The following GPC6 variants were observed in gnomAD, a reference collection of about 807,000 sequenced individuals.
The protein encoded by GPC6 is glypican-6.
Under a neutral mutation model 55.2 loss-of-function variants are expected in GPC6, and 14 were observed. That is an observed-to-expected ratio of 0.25 (90% CI 0.17 to 0.40). The LOEUF (loss-of-function observed/expected upper bound fraction) is 0.40, where lower values mean the gene tolerates loss of function less well. GPC6 is among the 10% of genes least tolerant of loss of function. The probability of loss-of-function intolerance (pLI) is 1.00; values close to 1 mark genes in which losing one functional copy is unlikely to be tolerated. For missense variants in GPC6, 641 were observed against 708.5 expected (o/e 0.90, Z 1.08); for synonymous variants, 278 against 259.6 (o/e 1.07, Z -0.68).
chr13:93,909,779 C>G (rs914146561), intron 3 of GPC6, among the ~76,000 whole-genome samples: 1 of 152,088 alleles, frequency 6.6e-6, no homozygotes, highest in Non-Finnish European at 1.5e-5. Flanking sequence ...TATAAAGTTA[C>G]TTTTCGCACT....
chr13:94,194,276 G>T (rs530009974), intron 4 of GPC6, among the ~76,000 whole-genome samples: 3 of 152,264 alleles, frequency 2.0e-5, no homozygotes, highest in African/African-American at 7.2e-5. Flanking sequence ...TTGGGGATAG[G>T]TATGTGCCAT....
chr13:93,618,018 A>G (rs1334088143), intron 2 of GPC6, among the ~76,000 whole-genome samples: 3 of 152,076 alleles, frequency 2.0e-5, no homozygotes, highest in African/African-American at 7.2e-5. Flanking sequence ...TTCTCTAGGG[A>G]AAAAATAATG....
intron 3 of GPC6, among the ~76,000 whole-genome samples, chr13:93,908,183 C>CT (rs1876774245): frequency 6.6e-6 from 1 of 152,086 alleles, no homozygotes; most frequent in Non-Finnish European, 1.5e-5. Context: ...AGATTTCTGC[C>CT]TAAAGGTAAA....
intron 4 of GPC6, among the ~76,000 whole-genome samples, chr13:94,266,150 T>C (rs1022060673): frequency 3.0e-5 from 3 of 99,834 alleles, no homozygotes; most frequent in Non-Finnish European, 6.4e-5. Context: ...ACTTTTCTTT[T>C]CTTTTTTTTT....
At chr13:93,834,986 G>A (rs758380033) in intron 3 of GPC6, among the ~76,000 whole-genome samples, 22 of 152,168 alleles carry the variant, frequency 1.4e-4, no homozygotes, top group East Asian at 9.6e-4. Context: ...GATACCAGCC[G>A]TCACTCTGAA....
chr13:93,268,570 A>G (rs781351816), intron 1 of GPC6, among the ~76,000 whole-genome samples: 1 of 151,916 alleles, frequency 6.6e-6, no homozygotes, highest in Non-Finnish European at 1.5e-5. Context: ...CGTAAAGACC[A>G]ATTCTCGGTG....
At chr13:94,152,733 A>G (rs1887786835) in intron 4 of GPC6, among the ~76,000 whole-genome samples, 1 of 152,104 alleles carries the variant, frequency 6.6e-6, no homozygotes, top group Non-Finnish European at 1.5e-5. Flanking sequence ...TCATTAAGGT[A>G]TCAATCTGAT....
chr13:93,363,310 G>A (rs1881118108), intron 1 of GPC6, among the ~76,000 whole-genome samples: 1 of 134,058 alleles, frequency 7.5e-6, no homozygotes, highest in East Asian at 2.4e-4. Context: ...ACAGTCCCCA[G>A]AGTGTGATGT....
chr13:94,094,585 CT>C (rs2138816585), intron 4 of GPC6, among the ~76,000 whole-genome samples: 1 of 152,154 alleles, frequency 6.6e-6, no homozygotes, highest in Admixed American at 6.5e-5. Flanking sequence ...CCAAGTTTGC[CT>C]CAATATATGA....
intron 6 of GPC6, among the ~76,000 whole-genome samples, chr13:94,368,279 T>C (rs1879375577): frequency 6.6e-6 from 1 of 151,982 alleles, no homozygotes; most frequent in East Asian, 1.9e-4. Flanking sequence ...TTAGGTTGAA[T>C]AGTGTCTTGA....
chr13:94,217,848 C>T (rs1594068320), intron 4 of GPC6, among the ~76,000 whole-genome samples: 1 of 152,130 alleles, frequency 6.6e-6, no homozygotes, highest in Non-Finnish European at 1.5e-5. Flanking sequence ...TCAAGGCCTT[C>T]ATTTTCTTAT....
chr13:93,479,817 TA>T lies in GPC6; in HGVS notation c.161-65444del, dbSNP rs536074273. ...CATATAGAAGGCTGAAAATTGTGAG[TA>T]ATAATCATACGGTGTAGTCTTCTGG... On this transcript the variant is annotated intron_variant, in intron 1 of 8. Coordinates refer to ENST00000377047, the MANE Select transcript of GPC6 (RefSeq NM_005708.5). Among the ~76,000 whole-genome samples, 6 of 152,288 alleles carry T rather than the reference TA, an allele frequency of 3.9e-5. No individual in the cohort carries two copies. In the South Asian group the frequency reaches 1.2e-3, roughly 32 times the overall value.
chr13:93,469,967 T>G (rs1879050302), intron 1 of GPC6, among the ~76,000 whole-genome samples: 1 of 152,180 alleles, frequency 6.6e-6, no homozygotes, highest in Admixed American at 6.5e-5. Flanking sequence ...TTATTTTCTA[T>G]TCAGTTGGTC....
chr13:93,495,250 C>T (rs1880215472), intron 1 of GPC6, among the ~76,000 whole-genome samples: 1 of 148,460 alleles, frequency 6.7e-6, no homozygotes, highest in African/African-American at 2.5e-5. Flanking sequence ...TCTAAACTTC[C>T]CTTCTCACTT....
intron 6 of GPC6, among the ~76,000 whole-genome samples, chr13:94,327,095 T>G (rs1465763360): frequency 6.6e-6 from 1 of 152,232 alleles, no homozygotes; most frequent in East Asian, 1.9e-4. Context: ...GACTCCCATA[T>G]TCCAAGGCAT....
chr13:94,052,036 A>G (rs927696788), intron 4 of GPC6, among the ~76,000 whole-genome samples: 1 of 152,168 alleles, frequency 6.6e-6, no homozygotes, highest in Admixed American at 6.6e-5. Context: ...TAAAAAAGAC[A>G]TGGCCTCTGT....
intron 2 of GPC6, among the ~76,000 whole-genome samples, chr13:93,774,928 G>T (rs1216514509): frequency 6.6e-6 from 1 of 152,106 alleles, no homozygotes; most frequent in African/African-American, 2.4e-5. Context: ...GCTCAGCCAA[G>T]GCCCCTGGGA....
intron 2 of GPC6, among the ~76,000 whole-genome samples, chr13:93,828,415 A>G (rs1887347821): frequency 6.6e-6 from 1 of 152,100 alleles, no homozygotes; most frequent in Admixed American, 6.5e-5. Context: ...CTAGATAACT[A>G]GCATTTTTGA....
At chr13:94,001,841 C>T (rs994107894) in intron 3 of GPC6, among the ~76,000 whole-genome samples, 7 of 152,164 alleles carry the variant, frequency 4.6e-5, no homozygotes, top group East Asian at 3.9e-4. Context: ...AATGGGAGAG[C>T]GACACCATTG....
Sources: allele counts gnomAD v4.1 joint callset (sites outside exome capture counted in the v4.1 genomes callset), GRCh38; gene constraint gnomAD v4.1.1; transcripts MANE v1.5; gene names NCBI Gene and HGNC (gene_info 2026-07-23, HGNC 2026-07-21).